The following WASF2 variants were observed in gnomAD, a reference collection of about 807,000 sequenced individuals.
WASF2 encodes the protein actin-binding protein WASF2.
In WASF2, 14 loss-of-function variants were observed where a neutral mutation model predicts 45.0. The ratio of observed to expected loss-of-function variants is 0.31; its 90% CI spans 0.21 to 0.49. The LOEUF (loss-of-function observed/expected upper bound fraction) is 0.49, where lower values mean the gene tolerates loss of function less well. Among genes scored for constraint, WASF2 ranks in the 20% least tolerant of loss-of-function variants. The probability of loss-of-function intolerance (pLI) is 0.99; values close to 1 mark genes in which losing one functional copy is unlikely to be tolerated. For missense variants in WASF2, 439 were observed against 636.1 expected, an observed-to-expected ratio of 0.69 and a Z score of 3.33; for synonymous variants, 200 against 236.3, an observed-to-expected ratio of 0.85 and a Z score of 1.41.
At chr1:27,442,990 C>CAAAA (rs782114128) in intron 1 of WASF2, among the ~76,000 whole-genome samples, 36 of 64,194 alleles carry the variant, frequency 5.6e-4, no homozygotes, top group African/African-American at 1.8e-3. Context: ...GACTCTGTCT[C>CAAAA]AAAAAAAAAA....
intron 1 of WASF2, among the ~76,000 whole-genome samples, chr1:27,471,133 A>G (rs1205364909): frequency 6.6e-6 from 1 of 152,044 alleles, no homozygotes; most frequent in Non-Finnish European, 1.5e-5. Flanking sequence ...TCACGAGGTC[A>G]GGAGATCGAG....
intron 2 of WASF2, among the ~76,000 whole-genome samples, chr1:27,422,908 G>A (rs959792458): frequency 6.6e-6 from 1 of 152,158 alleles, no homozygotes; most frequent in Non-Finnish European, 1.5e-5. Flanking sequence ...GGAGGCCGAG[G>A]CGGGTGGATC....
At chr1:27,471,091 T>C (rs2017680912) in intron 1 of WASF2, among the ~76,000 whole-genome samples, 1 of 151,978 alleles carries the variant, frequency 6.6e-6, no homozygotes. Context: ...ACGCCTGTAA[T>C]CCCAGCACTT....
chr1:27,444,365 C>G (rs2017285531), intron 1 of WASF2, among the ~76,000 whole-genome samples: 1 of 152,176 alleles, frequency 6.6e-6, no homozygotes, highest in African/African-American at 2.4e-5. Context: ...CAGGCGTAAA[C>G]CACCATGGCC....
intron 1 of WASF2, among the ~76,000 whole-genome samples, chr1:27,454,179 A>AT (rs2017431697): frequency 1.9e-4 from 2 of 10,292 alleles, no homozygotes; most frequent in African/African-American, 4.7e-4. Flanking sequence ...ATATATATAT[A>AT]TATATATATT....
At chr1:27,477,694 T>C (rs1432962153) in intron 1 of WASF2, among the ~76,000 whole-genome samples, 1 of 103,828 alleles carries the variant, frequency 9.6e-6, no homozygotes, top group Non-Finnish European at 1.8e-5. Context: ...GGTCAGGAGA[T>C]CGAGACCATC....
intron 1 of WASF2, among the ~76,000 whole-genome samples, chr1:27,484,000 C>T (rs1245735702): frequency 6.6e-6 from 1 of 152,076 alleles, no homozygotes; most frequent in Non-Finnish European, 1.5e-5. Context: ...AGTCCAATCA[C>T]ACACTGACTC....
intron 1 of WASF2, among the ~76,000 whole-genome samples, chr1:27,461,690 G>T (rs1211358322): frequency 6.6e-6 from 1 of 151,916 alleles, no homozygotes; most frequent in African/African-American, 2.4e-5. Context: ...TAGCCAGGAT[G>T]GTCTCGATCT....
intron 1 of WASF2, among the ~76,000 whole-genome samples, chr1:27,487,614 A>G (rs1420796936): frequency 9.0e-5 from 9 of 99,690 alleles, no homozygotes; most frequent in African/African-American, 3.8e-4. Flanking sequence ...AATATATATT[A>G]TATATATTTT....
At chr1:27,413,118 TGCAAACACGTGACTG>T (rs1223298751) in intron 6 of WASF2, among the ~76,000 whole-genome samples, 1 of 152,160 alleles carries the variant, frequency 6.6e-6, no homozygotes, top group Non-Finnish European at 1.5e-5. Context: ...GCTAGTGAGC[TGCAAACACGTGACTG>T]GCACACAGAC....
chr1:27,459,412 TA>T (rs1403967494), intron 1 of WASF2: 3 of 152,116 alleles, frequency 2.0e-5, no homozygotes, highest in African/African-American at 7.2e-5. Flanking sequence ...TCCAGCCTCC[TA>T]AAGTGCTAGG....
intron 1 of WASF2, among the ~76,000 whole-genome samples, chr1:27,447,693 T>C (rs779727347): frequency 3.0e-4 from 46 of 152,208 alleles, no homozygotes; most frequent in Admixed American, 6.5e-4. Context: ...TGGAGCCTGA[T>C]ACCTGATGAT....
chr1:27,430,266 C>G (rs999538978), intron 1 of WASF2, among the ~76,000 whole-genome samples: 1 of 152,180 alleles, frequency 6.6e-6, no homozygotes, highest in African/African-American at 2.4e-5. Context: ...TCTAAAACAG[C>G]CTAATGGTTT....
chr1:27,473,138 C>T (rs879313025), intron 1 of WASF2, among the ~76,000 whole-genome samples: 1 of 151,806 alleles, frequency 6.6e-6, no homozygotes, highest in Non-Finnish European at 1.5e-5. Context: ...AATAAAAGGA[C>T]AAATAACCCA....
intron 2 of WASF2, among the ~76,000 whole-genome samples, chr1:27,423,390 T>A (rs1199820962): frequency 1.3e-5 from 2 of 152,092 alleles, no homozygotes; most frequent in Non-Finnish European, 2.9e-5. Context: ...TTCACCATGT[T>A]GGCCAGGCTG....
At chr1:27,408,414 T>C (rs1452328175) in intron 8 of WASF2, 68 bp from the exon 9 acceptor site, 1 of 1,588,464 alleles carries the variant, frequency 6.3e-7, no homozygotes, top group Non-Finnish European at 8.6e-7. Context: ...TGGAACTGGG[T>C]AAGAGGGAGT....
rs116574705 is a variant in WASF2 at position 27,437,391 on chromosome 1, C to T, written c.-43-8458G>A. 7.5e-3 allele frequency among the ~76,000 whole-genome samples: 1,136 copies of T among 152,272 alleles called. 14 individuals are homozygous for T. The highest frequency in any genetic ancestry group is 0.026 in the African/African-American group (1,064 of 41,562). On this transcript the variant is annotated intron_variant, in intron 1 of 8. Coordinates refer to ENST00000618852, the MANE Select transcript of WASF2 (RefSeq NM_006990.5). ...GGCAATCGGGGATAAAATTTCAATT[C>T]ATCCCTCTAGTCCAGCTGTAAACTA...
chr1:27,404,563 T>C lies in WASF2; in HGVS notation c.*3626A>G, dbSNP rs1404666437. ...TCAAACGGCATCCCTACTACACATA[T>C]ACCCCCCTTCCCTAAAATCTTGATG... On this transcript the variant is annotated 3_prime_UTR_variant, in exon 9 of 9. Transcript: ENST00000618852. 6.6e-6 allele frequency: 1 copy of C among 152,086 alleles called. No individual in the cohort carries two copies. The highest frequency in any genetic ancestry group is 1.5e-5 in the Non-Finnish European group (1 of 68,014). 9.4% of individuals were successfully genotyped at this position (152,086 alleles called of 1,614,324 possible).
At chr1:27,477,433 G>C (rs186983693) in intron 1 of WASF2, among the ~76,000 whole-genome samples, 8 of 152,106 alleles carry the variant, frequency 5.3e-5, no homozygotes, top group Non-Finnish European at 1.2e-4. Context: ...CCAGCTACTC[G>C]ATAGGCTGAG....
Sources: allele counts gnomAD v4.1 joint callset (sites outside exome capture counted in the v4.1 genomes callset), GRCh38; gene constraint gnomAD v4.1.1; transcripts MANE v1.5; gene names NCBI Gene and HGNC (gene_info 2026-07-23, HGNC 2026-07-21).